Variants in CHLSN observed in about 807,000 individuals in gnomAD.
CHLSN encodes protein cholesin.
At chr7:1,106,976 A>G in the CHLSN span, among the ~76,000 whole-genome samples, 2 of 152,116 alleles carry the variant, frequency 1.3e-5, no homozygotes, top group African/African-American at 4.8e-5. Context: ...TCCTGCTGGG[A>G]CTGCACCAGG....
chr7:992,399 A>G, the CHLSN span, among the ~76,000 whole-genome samples: 1 of 152,200 alleles, frequency 6.6e-6, no homozygotes. Context: ...GCCCCCCCAC[A>G]GTAAGCTCGG....
chr7:1,026,593 C>A, the CHLSN span: 1 of 152,222 alleles, frequency 6.6e-6, no homozygotes, highest in Non-Finnish European at 1.5e-5. Context: ...CTCAACCACT[C>A]GCAGGAAATC....
the CHLSN span, among the ~76,000 whole-genome samples, chr7:1,118,624 CAAAT>C: frequency 1.3e-5 from 2 of 151,742 alleles, no homozygotes; most frequent in African/African-American, 2.4e-5. Flanking sequence ...AAAATTCACA[CAAAT>C]AAGAGGCCAA....
At chr7:1,022,530 G>C in the CHLSN span, among the ~76,000 whole-genome samples, 1 of 152,120 alleles carries the variant, frequency 6.6e-6, no homozygotes, top group Non-Finnish European at 1.5e-5. Context: ...GACGGCCGTC[G>C]TGAGGGAACA....
chr7:1,043,584 C>A, the CHLSN span: 20 of 152,402 alleles, frequency 1.3e-4, no homozygotes, highest in African/African-American at 3.8e-4. Flanking sequence ...GGGCTGCATC[C>A]ACTGTGCCAG....
chr7:986,636 TACC>T, the CHLSN span: 1 of 1,612,676 alleles, frequency 6.2e-7, no homozygotes, highest in Non-Finnish European at 8.5e-7. Flanking sequence ...GTTCAACGTC[TACC>T]CATGGCTCGG....
At chr7:1,136,485 TATATAAAC>T in the CHLSN span, among the ~76,000 whole-genome samples, 1 of 123,418 alleles carries the variant, frequency 8.1e-6, no homozygotes, top group Non-Finnish European at 1.6e-5. Context: ...TATATAAACA[TATATAAAC>T]ATATAAATAT....
chr7:1,021,252 G>T, the CHLSN span: 1 of 447,780 alleles, frequency 2.2e-6, no homozygotes, highest in Non-Finnish European at 3.0e-6. Context: ...CCTCCAGGCT[G>T]AGGATCTCCC....
At chr7:1,041,103 C>T in the CHLSN span, among the ~76,000 whole-genome samples, 7 of 152,112 alleles carry the variant, frequency 4.6e-5, no homozygotes, top group Admixed American at 1.3e-4. Context: ...GCTGTGCAGA[C>T]GGAATTTAGG....
the CHLSN span, among the ~76,000 whole-genome samples, chr7:1,017,215 A>C: frequency 6.6e-6 from 1 of 152,184 alleles, no homozygotes; most frequent in South Asian, 2.1e-4. Context: ...TGCTGCATCA[A>C]AGAATGGCAG....
At chr7:1,007,936 C>G in the CHLSN span, among the ~76,000 whole-genome samples, 76 of 152,178 alleles carry the variant, frequency 5.0e-4, no homozygotes, top group African/African-American at 1.8e-3. Context: ...GTGGCAGCCA[C>G]GTGGTGGAGC....
the CHLSN span, among the ~76,000 whole-genome samples, chr7:1,120,989 A>C: frequency 6.6e-6 from 1 of 151,648 alleles, no homozygotes; most frequent in Admixed American, 6.6e-5. Flanking sequence ...ACTATTACTC[A>C]GCCCCAAAAA....
the CHLSN span, among the ~76,000 whole-genome samples, chr7:1,012,464 G>C: frequency 1.3e-5 from 2 of 152,382 alleles, no homozygotes; most frequent in Non-Finnish European, 1.5e-5. Flanking sequence ...AGCGCCCGGT[G>C]CAGGGCTGCT....
chr7:978,863 G>A, the CHLSN span, among the ~76,000 whole-genome samples: 22 of 152,346 alleles, frequency 1.4e-4, 1 homozygote, highest in East Asian at 3.1e-3. Context: ...GACATTCCAC[G>A]AGGCCTGGGC....
chr7:1,096,296 C>G, the CHLSN span, among the ~76,000 whole-genome samples: 1 of 152,218 alleles, frequency 6.6e-6, no homozygotes, highest in African/African-American at 2.4e-5. This position sits in a 1 kb window ranked among gnomAD's most constrained non-coding sequence, Gnocchi z 4.6. Flanking sequence ...CTGGCGGCGG[C>G]ACTGCTCTGA....
At chr7:1,123,218 G>C in the CHLSN span, among the ~76,000 whole-genome samples, 1 of 152,236 alleles carries the variant, frequency 6.6e-6, no homozygotes, top group Non-Finnish European at 1.5e-5. The surrounding 1 kb of genome is among the most constrained non-coding windows in gnomAD (Gnocchi z 4.4). Context: ...AGGCCTGAGT[G>C]GGAACCGGAA....
At chr7:1,118,100 C>A in the CHLSN span, among the ~76,000 whole-genome samples, 1 of 152,214 alleles carries the variant, frequency 6.6e-6, no homozygotes, top group Non-Finnish European at 1.5e-5. Context: ...AAGAAAACCA[C>A]AGCACAACGC....
the CHLSN span, among the ~76,000 whole-genome samples, chr7:1,136,473 AATATATAAAC>A: frequency 1.0e-4 from 11 of 109,694 alleles, no homozygotes; most frequent in East Asian, 2.8e-4. Context: ...AACATATATA[AATATATAAAC>A]ATATATAAAC....
chr7:1,093,428 C>CG, the CHLSN span: 1 of 462,264 alleles, frequency 2.2e-6, no homozygotes, highest in South Asian at 1.6e-5. Flanking sequence ...CACGCCTGAG[C>CG]GTCCTCCATC....
Sources: gnomAD v4.1 joint callset for allele counts (sites outside exome capture counted in the v4.1 genomes callset) on GRCh38, gnomAD v4.1.1 for gene constraint, Gnocchi (gnomAD v3.1) non-coding constraint, MANE v1.5 for transcripts, NCBI Gene and HGNC (gene_info 2026-07-23, HGNC 2026-07-21) for gene names.